RNF220: variants seen among roughly 807,000 people sequenced by gnomAD.
RNF220 encodes E3 ubiquitin-protein ligase RNF220.
A neutral mutation model predicts 67.1 loss-of-function variants in RNF220; 7 were observed. The observed-to-expected ratio is 0.10, with a 90% CI of 0.06 to 0.20. The LOEUF (loss-of-function observed/expected upper bound fraction) is 0.20, where lower values mean the gene tolerates loss of function less well. Ranked by LOEUF, RNF220 falls within the 10% of genes least tolerant of loss-of-function variation. The pLI is 1.00. For synonymous variants in RNF220, 270 were observed against 283.2 expected (o/e 0.95, Z 0.47); for missense variants, 565 against 740.3 (o/e 0.76, Z 2.75).
chr1:44,627,140 TTGGAGACCAGCC>T (rs934113151), intron 5 of RNF220: 8 of 140,622 alleles, frequency 5.7e-5, no homozygotes, highest in Non-Finnish European at 9.1e-5. Flanking sequence ...AGGTCAGCAA[TTGGAGACCAGCC>T]TGGCCAACAT....
chr1:44,504,404 G>A (rs1039079910), intron 2 of RNF220, among the ~76,000 whole-genome samples: 4 of 152,178 alleles, frequency 2.6e-5, no homozygotes, highest in Non-Finnish European at 4.4e-5. Flanking sequence ...CCGTTATCTG[G>A]GATGTCTGGG....
At chr1:44,503,350 A>G (rs1658111565) in intron 2 of RNF220, among the ~76,000 whole-genome samples, 1 of 151,532 alleles carries the variant, frequency 6.6e-6, no homozygotes, top group African/African-American at 2.4e-5. Context: ...AAAAAAAAAA[A>G]AAAAAGAAGC....
intron 2 of RNF220, among the ~76,000 whole-genome samples, chr1:44,499,107 G>A (rs1657603386): frequency 6.6e-6 from 1 of 152,050 alleles, no homozygotes; most frequent in Non-Finnish European, 1.5e-5. Context: ...TGCCTTTCAT[G>A]TCCCCCACCC....
intron 2 of RNF220, among the ~76,000 whole-genome samples, chr1:44,426,211 C>T (rs996614008): frequency 9.9e-5 from 15 of 152,136 alleles, no homozygotes; most frequent in African/African-American, 3.6e-4. Context: ...TGTTTTGGCT[C>T]AGAGGCACAG....
intron 2 of RNF220, among the ~76,000 whole-genome samples, chr1:44,549,762 G>A (rs1233482635): frequency 6.6e-6 from 1 of 152,212 alleles, no homozygotes; most frequent in Non-Finnish European, 1.5e-5. Flanking sequence ...CAAGCTGCAG[G>A]GGCCGCCTGA....
At chr1:44,431,724 C>T (rs528020802) in intron 2 of RNF220, among the ~76,000 whole-genome samples, 2 of 137,704 alleles carry the variant, frequency 1.5e-5, no homozygotes, top group South Asian at 4.4e-4. Context: ...GAGTCTCTTC[C>T]CTCCTCATGC....
chr1:44,426,733 A>C (rs1426402749), intron 2 of RNF220, among the ~76,000 whole-genome samples: 1 of 151,806 alleles, frequency 6.6e-6, no homozygotes, highest in Non-Finnish European at 1.5e-5. Context: ...TCTCAAAAAA[A>C]AAAAAAAAGA....
chr1:44,442,270 G>C (rs1651632943), intron 2 of RNF220, among the ~76,000 whole-genome samples: 3 of 152,010 alleles, frequency 2.0e-5, no homozygotes, highest in Non-Finnish European at 4.4e-5. Context: ...AGCTTCATGA[G>C]TAGCTGGGAC....
chr1:44,529,015 T>C (rs1297513519), intron 2 of RNF220, among the ~76,000 whole-genome samples: 1 of 152,220 alleles, frequency 6.6e-6, no homozygotes, highest in Non-Finnish European at 1.5e-5. Flanking sequence ...TTGTATAACC[T>C]TTCTAGAAGC....
Position 44,632,400 on chromosome 1 carries a change from G to GGCCCCACCCCCCCCCCCCCCCC in RNF220, c.949+15_949+16insGCCCCACCCCCCCCCCCCCCCC. ...CCGACTGAATGGTGAGTCCTGCCCGGCCCCTCCCTCCGCCCCACCCCCGGC... is the reference window on the plus strand; with the variant it reads ...CCGACTGAATGGTGAGTCCTGCCCGGGCCCCACCCCCCCCCCCCCCCCCCCCTCCCTCCGCCCCACCCCCGGC... On this transcript the variant is annotated intron_variant, in intron 6 of 14. Coordinates refer to ENST00000361799, the MANE Select transcript of RNF220 (RefSeq NM_018150.4). 1 of 1,607,452 alleles carries GGCCCCACCCCCCCCCCCCCCCC rather than the reference G, an allele frequency of 6.2e-7. No individual in the cohort carries two copies. Among genetic ancestry groups the GGCCCCACCCCCCCCCCCCCCCC allele is most frequent in the Non-Finnish European group, 8.5e-7 (1 of 1,177,492 alleles).
At chr1:44,537,808 T>G (rs1306860856) in intron 2 of RNF220, among the ~76,000 whole-genome samples, 3 of 152,196 alleles carry the variant, frequency 2.0e-5, no homozygotes, top group African/African-American at 4.8e-5. Context: ...CCACTGTGTT[T>G]GTGGTGTGAC....
intron 2 of RNF220, among the ~76,000 whole-genome samples, chr1:44,438,529 C>A (rs1557926557): frequency 6.6e-6 from 1 of 152,184 alleles, no homozygotes; most frequent in Non-Finnish European, 1.5e-5. Context: ...TGAATACCTA[C>A]TAGGTGCCAG....
chr1:44,531,495 C>G (rs991268810), intron 2 of RNF220, among the ~76,000 whole-genome samples: 9 of 152,200 alleles, frequency 5.9e-5, no homozygotes, highest in African/African-American at 2.2e-4. Context: ...TGCCAGTTAA[C>G]CCCATTAGAC....
intron 2 of RNF220, among the ~76,000 whole-genome samples, chr1:44,454,180 C>T (rs1652947675): frequency 6.6e-6 from 1 of 152,098 alleles, no homozygotes; most frequent in Non-Finnish European, 1.5e-5. Flanking sequence ...TACCATTCTT[C>T]CTATGTACTA....
intron 2 of RNF220, among the ~76,000 whole-genome samples, chr1:44,422,543 G>A (rs957903721): frequency 8.5e-5 from 13 of 152,174 alleles, no homozygotes; most frequent in African/African-American, 2.9e-4. Context: ...ATCATGGTAT[G>A]GGGAGATTTT....
At chr1:44,642,514 A>C (rs916127787) in intron 8 of RNF220, among the ~76,000 whole-genome samples, 1 of 152,188 alleles carries the variant, frequency 6.6e-6, no homozygotes, top group Non-Finnish European at 1.5e-5. Context: ...AGAAGGTTCT[A>C]GGCAGAGAGC....
chr1:44,448,807 C>T (rs1652364803), intron 2 of RNF220, among the ~76,000 whole-genome samples: 1 of 152,150 alleles, frequency 6.6e-6, no homozygotes, highest in South Asian at 2.1e-4. Context: ...ACAGTACTTT[C>T]ACATAGTAAA....
chr1:44,464,358 G>T (rs377006990), intron 2 of RNF220, among the ~76,000 whole-genome samples: 41 of 152,340 alleles, frequency 2.7e-4, no homozygotes, highest in African/African-American at 8.9e-4. Flanking sequence ...TTCTCATGGT[G>T]AGAGGCAGAA....
intron 2 of RNF220, among the ~76,000 whole-genome samples, chr1:44,415,335 AC>A (rs551520139): frequency 3.7e-4 from 56 of 152,098 alleles, no homozygotes; most frequent in South Asian, 1.0e-3. Flanking sequence ...TAATCGAGTG[AC>A]AGTATACAAG....
Sources: gnomAD v4.1 joint callset for allele counts (sites outside exome capture counted in the v4.1 genomes callset) on GRCh38, gnomAD v4.1.1 for gene constraint, MANE v1.5 for transcripts, NCBI Gene and HGNC (gene_info 2026-07-23, HGNC 2026-07-21) for gene names.